The following ZNF521 variants were observed in gnomAD, a reference collection of about 807,000 sequenced individuals.
The protein encoded by ZNF521 is LYST-interacting protein 3.
A neutral mutation model predicts 105.5 loss-of-function variants in ZNF521; 14 were observed. The ratio of observed to expected loss-of-function variants is 0.13; its 90% CI spans 0.09 to 0.21. The LOEUF is 0.21. Ranked by LOEUF, ZNF521 falls within the 10% of genes least tolerant of loss-of-function variation. The pLI is 1.00. For synonymous variants in ZNF521, 635 were observed against 606.0 expected (o/e 1.05, Z -0.70); for missense variants, 1,233 against 1,629.7 (o/e 0.76, Z 4.19).
chr18:25,325,421 A>C (rs1913162481), intron 2 of ZNF521, among the ~76,000 whole-genome samples: 1 of 152,172 alleles, frequency 6.6e-6, no homozygotes, highest in Non-Finnish European at 1.5e-5. Context: ...CAAACCTCTG[A>C]CTTCAACCTA....
At chr18:25,340,627 A>G (rs1661346957) in intron 2 of ZNF521, among the ~76,000 whole-genome samples, 1 of 152,202 alleles carries the variant, frequency 6.6e-6, no homozygotes, top group Non-Finnish European at 1.5e-5. Flanking sequence ...TTCTCAACAT[A>G]AGAATTCTAG....
At chr18:25,279,377 C>A (rs1319942992) in intron 3 of ZNF521, among the ~76,000 whole-genome samples, 1 of 152,164 alleles carries the variant, frequency 6.6e-6, no homozygotes, top group Non-Finnish European at 1.5e-5. Flanking sequence ...AAACGAGCTT[C>A]ATAGAGTATT....
At chr18:25,081,512 C>T (rs1361659005) in intron 7 of ZNF521, among the ~76,000 whole-genome samples, 1 of 152,120 alleles carries the variant, frequency 6.6e-6, no homozygotes, top group East Asian at 1.9e-4. Context: ...CCACTTGATT[C>T]TTGAAAATTT....
chr18:25,346,972 T>G (rs375812107), intron 2 of ZNF521, among the ~76,000 whole-genome samples: 4 of 152,230 alleles, frequency 2.6e-5, no homozygotes, highest in African/African-American at 9.6e-5. Flanking sequence ...CACTTTTTCC[T>G]TTTTACAGTG....
chr18:25,159,126 T>C (rs550018349), intron 5 of ZNF521, among the ~76,000 whole-genome samples: 17 of 152,294 alleles, frequency 1.1e-4, no homozygotes, highest in South Asian at 4.1e-4. Flanking sequence ...CAGAGCCTTC[T>C]TTACAGTGAA....
chr18:25,350,797 A>T, intron 2 of ZNF521, 110 bp downstream of exon 2: 1 of 1,228,576 alleles, frequency 8.1e-7, no homozygotes. Flanking sequence ...CCCCGCACTC[A>T]CACTCACACT....
chr18:25,204,451 C>CA (rs1211007301), intron 4 of ZNF521, among the ~76,000 whole-genome samples: 1 of 152,050 alleles, frequency 6.6e-6, no homozygotes, highest in Non-Finnish European at 1.5e-5. Flanking sequence ...AAGCAAAACT[C>CA]AGTGTTAAAG....
intron 7 of ZNF521, among the ~76,000 whole-genome samples, chr18:25,085,792 C>CA (rs1341684138): frequency 6.6e-6 from 1 of 151,444 alleles, no homozygotes; most frequent in East Asian, 1.9e-4. Context: ...CTTCTATCCA[C>CA]AAAAAAATGC....
intron 7 of ZNF521, among the ~76,000 whole-genome samples, chr18:25,071,187 TG>T (rs2033213106): frequency 1.3e-5 from 2 of 152,326 alleles, no homozygotes; most frequent in Admixed American, 6.5e-5. Flanking sequence ...ATATACCACA[TG>T]AGACTGTACT....
chr18:25,212,170 A>G lies in ZNF521; in HGVS notation c.3573+12175T>C, dbSNP rs570536884. On this transcript the variant is annotated intron_variant, in intron 4 of 7. Coordinates refer to ENST00000361524, the MANE Select transcript of ZNF521 (RefSeq NM_015461.3). ...CATGTGACTTTTCATTCTTCTATACATGTTTTGGAAACTGCTTATCAAGTT... is the reference window on the plus strand; with the variant it reads ...CATGTGACTTTTCATTCTTCTATACGTGTTTTGGAAACTGCTTATCAAGTT... Among the ~76,000 whole-genome samples the G allele has an allele frequency of 4.6e-5, 7 of 152,194 alleles. No homozygotes were observed. The South Asian group carries it at 1.2e-3, about 27-fold the overall frequency.
Position 25,224,531 on chromosome 18 carries a change from C to T in ZNF521, c.3387G>A (p.Gly1129=), listed in dbSNP as rs780377349. Residue 1129 remains glycine (G), a synonymous_variant, in exon 4 of 8, where the codon GGG becomes GGA. Coordinates refer to ENST00000361524, the MANE Select transcript of ZNF521 (RefSeq NM_015461.3). ...GQNENLSAIE[G]KGKVGGLKTR... ...TCTTCAGTCCCCCCACCTTGCCTTT[C>T]CCCTCAATGGCACTCAGATTCTCAT... The T allele has an allele frequency of 5.0e-6, 8 of 1,613,922 alleles. No individual in the cohort carries two copies. The African/African-American group carries it at 9.3e-5, about 19-fold the overall frequency.
intron 2 of ZNF521, among the ~76,000 whole-genome samples, chr18:25,323,810 T>G (rs941045288): frequency 6.6e-6 from 1 of 152,178 alleles, no homozygotes; most frequent in Non-Finnish European, 1.5e-5. Flanking sequence ...TGGCAGTTGT[T>G]CTAGAGCTTT....
chr18:25,137,553 G>A (rs1277712466), intron 5 of ZNF521, among the ~76,000 whole-genome samples: 1 of 151,906 alleles, frequency 6.6e-6, no homozygotes, highest in Non-Finnish European at 1.5e-5. Flanking sequence ...TGGTCCCATG[G>A]AGTCCAGTGC....
At chr18:25,276,664 T>C (rs1002233685) in intron 3 of ZNF521, among the ~76,000 whole-genome samples, 1 of 152,178 alleles carries the variant, frequency 6.6e-6, no homozygotes, top group Non-Finnish European at 1.5e-5. Flanking sequence ...AACTGACCTG[T>C]ACTTTAAGAC....
chr18:25,115,331 A>C (rs1046289824), intron 5 of ZNF521, among the ~76,000 whole-genome samples: 1 of 152,224 alleles, frequency 6.6e-6, no homozygotes, highest in Non-Finnish European at 1.5e-5. Context: ...GCTCAAAGCA[A>C]ATCCTACTGC....
intron 5 of ZNF521, among the ~76,000 whole-genome samples, chr18:25,188,396 C>T (rs2035762431): frequency 6.6e-6 from 1 of 152,150 alleles, no homozygotes; most frequent in Non-Finnish European, 1.5e-5. Context: ...TAGGAAATAA[C>T]CTATGGAAAT....
intron 3 of ZNF521, among the ~76,000 whole-genome samples, chr18:25,239,482 G>C (rs981197775): frequency 1.3e-5 from 2 of 152,188 alleles, no homozygotes; most frequent in Non-Finnish European, 2.9e-5. Context: ...ATCAAAGGTA[G>C]CTCATCCTGC....
At chr18:25,117,085 ACACAC>A (rs879675933) in intron 5 of ZNF521, among the ~76,000 whole-genome samples, 944 of 11,176 alleles carry the variant, frequency 0.084, 18 homozygotes, top group Middle Eastern at 0.32. Flanking sequence ...ACACACACAT[ACACAC>A]ATCCTTAATT....
At chr18:25,189,660 T>C (rs745827615) in intron 5 of ZNF521, among the ~76,000 whole-genome samples, 1 of 152,230 alleles carries the variant, frequency 6.6e-6, no homozygotes, top group Non-Finnish European at 1.5e-5. Flanking sequence ...ATTATTAGAA[T>C]TTGTGGCCCA....
Sources: allele counts gnomAD v4.1 joint callset (sites outside exome capture counted in the v4.1 genomes callset), GRCh38; gene constraint gnomAD v4.1.1; transcripts MANE v1.5; gene names NCBI Gene and HGNC (gene_info 2026-07-23, HGNC 2026-07-21).